Variants in DDX17 observed in about 807,000 individuals in gnomAD.
DDX17 encodes the protein DEAD-box helicase 17, also known as probable ATP-dependent RNA helicase DDX17.
In DDX17, 10 loss-of-function variants were observed where a neutral mutation model predicts 80.8. That is an observed-to-expected ratio of 0.12 (90% CI 0.08 to 0.21). The LOEUF (loss-of-function observed/expected upper bound fraction) is 0.21. DDX17 is among the 10% of genes least tolerant of loss of function. The pLI, the probability that DDX17 is intolerant of heterozygous loss-of-function variation, is 1.00. For missense variants in DDX17, 586 were observed against 957.4 expected (o/e 0.61, Z 5.12); for synonymous variants, 339 against 336.2 (o/e 1.01, Z -0.09).
Position 38,484,573 on chromosome 22 carries a change from G to A in DDX17, c.*1362C>T, listed in dbSNP as rs2089635945. The A allele has an allele frequency of 6.6e-6, 1 of 152,214 alleles. No homozygotes were observed. Among genetic ancestry groups the A allele is most frequent in the African/African-American group, 2.4e-5 (1 of 41,456 alleles). The allele number at this position is 152,214 out of a possible 1,614,324, so 9.4% of individuals were successfully genotyped here. A position where few individuals can be genotyped will look rare whatever the true frequency, so the allele number is the denominator to read the frequency against. On this transcript the variant is annotated 3_prime_UTR_variant, in exon 13 of 13. Coordinates refer to ENST00000403230, the MANE Select transcript of DDX17 (RefSeq NM_006386.5). ...AATTAATAGTCCCATATCAGATCTGGAAGGGGTTTCTGGGGCTGTCTGATG... is the reference window on the plus strand; with the variant it reads ...AATTAATAGTCCCATATCAGATCTGAAAGGGGTTTCTGGGGCTGTCTGATG...
chr22:38,502,374 A>G (rs2089839343), intron 1 of DDX17, among the ~76,000 whole-genome samples: 1 of 151,052 alleles, frequency 6.6e-6, no homozygotes, highest in Non-Finnish European at 1.5e-5. Flanking sequence ...AAATGGCACC[A>G]TAGCACTCCA....
rs1602680993 is a variant in DDX17, at chr22:38,498,157, A to G, written c.673-7T>C. 6.2e-7 allele frequency: 1 copy of G among 1,613,728 alleles called. No individual in the cohort carries two copies. Among genetic ancestry groups the G allele is most frequent in the Non-Finnish European group, 8.5e-7 (1 of 1,179,806 alleles). ...CAATTGCAGGCAGGAGATACTGTGG[A>G]GGGGGGAAAGAATGACAACCTTACG... On this transcript the variant is annotated splice_region_variant and splice_polypyrimidine_tract_variant and intron_variant, in intron 4 of 12. Transcript: ENST00000403230.
At position 38,485,443 on chromosome 22, in the gene DDX17, A is replaced by AG. The variant is rs916506019; in HGVS notation, c.*491dup. 1 of 152,230 alleles carries AG rather than the reference A, an allele frequency of 6.6e-6. No homozygotes were observed. Among genetic ancestry groups the AG allele is most frequent in the African/African-American group, 2.4e-5 (1 of 41,436 alleles). The allele number at this position is 152,230 out of a possible 1,614,324, so 9.4% of individuals were successfully genotyped here. A position where few individuals can be genotyped will look rare whatever the true frequency, so the allele number is the denominator to read the frequency against. On this transcript the variant is annotated 3_prime_UTR_variant, in exon 13 of 13. Coordinates refer to ENST00000403230, the MANE Select transcript of DDX17 (RefSeq NM_006386.5). ...TTTAAAAGCACAAAAGAAAATGTGC[A>AG]GGGCAATCCCTCTTTGTTTTCTAAC...
At position 38,485,494 on chromosome 22, in the gene DDX17, G is replaced by GGT. The variant is rs1441841152; in HGVS notation, c.*440_*441insAC. 6.6e-6 allele frequency: 1 copy of GGT among 152,026 alleles called. No individual in the cohort carries two copies. The highest frequency in any genetic ancestry group is 1.5e-5 in the Non-Finnish European group (1 of 68,126). The allele number at this position is 152,026 out of a possible 1,614,324, so 9.4% of individuals were successfully genotyped here. On this transcript the variant is annotated 3_prime_UTR_variant, in exon 13 of 13. Transcript: ENST00000403230. ...CCAGTAATGAGAAATTTAAAGCACA[G>GGT]ATGCCATCTTCCTCTGCAAAACAAT...
Position 38,494,610 on chromosome 22 carries a change from G to T in DDX17, c.1214+20C>A. 6.2e-7 allele frequency: 1 copy of T among 1,611,152 alleles called. No homozygotes were observed. The highest frequency in any genetic ancestry group is 1.1e-5 in the South Asian group (1 of 90,892). The stretch of plus-strand genomic sequence containing the variant: ...AAGGTTTATCAGCATTATCAAATCA[G>T]AGTAAAATATCTTTCATACTTGTGG... On this transcript the variant is annotated intron_variant, in intron 8 of 12. Transcript: ENST00000403230.
chr22:38,493,136 C>G (rs1308598051), intron 10 of DDX17, among the ~76,000 whole-genome samples: 1 of 152,128 alleles, frequency 6.6e-6, no homozygotes, highest in Non-Finnish European at 1.5e-5. Flanking sequence ...GCCTTTGGGC[C>G]AAATCTGGCA....
At chr22:38,494,222 T>A in intron 8 of DDX17, 91 bp from the exon 9 acceptor site, 1 of 887,474 alleles carries the variant, frequency 1.1e-6, no homozygotes, top group Non-Finnish European at 1.8e-6. Context: ...GCTACAGTAC[T>A]TTCTTTGCAC....
rs767955723 is a variant in DDX17 at position 38,485,274 on chromosome 22, A to G, written c.*661T>C. On this transcript the variant is annotated 3_prime_UTR_variant, in exon 13 of 13. Transcript: ENST00000403230. ...ATTCAATTTCTAGCCTGACACTAAA[A>G]TGGTTATTTTTCAGTAACGGGGGGA... is the stretch of plus-strand genomic sequence containing the variant. 6.6e-6 allele frequency: 1 copy of G among 152,206 alleles called. No individual in the cohort carries two copies. The highest frequency in any genetic ancestry group is 1.5e-5 in the Non-Finnish European group (1 of 68,050). The allele number at this position is 152,206 out of a possible 1,614,324, so 9.4% of individuals were successfully genotyped here. A position where few individuals can be genotyped will look rare whatever the true frequency, so the allele number is the denominator to read the frequency against.
At chr22:38,498,687 A>G (rs940220356) in intron 3 of DDX17, 114 bp from the exon 4 acceptor site, 2 of 1,183,456 alleles carry the variant, frequency 1.7e-6, no homozygotes, top group African/African-American at 1.5e-5. Context: ...TCATCTCTCC[A>G]AAGTGCTTTT....
chr22:38,501,045 G>A (rs1045316618), intron 2 of DDX17, 85 bp downstream of exon 2: 20 of 1,456,382 alleles, frequency 1.4e-5, no homozygotes, highest in African/African-American at 3.0e-5. Flanking sequence ...AATGTAAAAC[G>A]GCAACAGTAG....
intron 1 of DDX17, among the ~76,000 whole-genome samples, chr22:38,503,149 G>C (rs1353081751): frequency 5.3e-5 from 8 of 152,068 alleles, no homozygotes; most frequent in Non-Finnish European, 2.9e-5. Context: ...CCGTGTCAGC[G>C]ACATATTTAA....
chr22:38,504,199 CTTAA>C (rs1341616371), intron 1 of DDX17, among the ~76,000 whole-genome samples: 1 of 152,284 alleles, frequency 6.6e-6, no homozygotes, highest in East Asian at 1.9e-4. Context: ...TGCACATATC[CTTAA>C]TTAAATGTGT....
At chr22:38,503,452 TGG>T (rs2089850421) in intron 1 of DDX17, among the ~76,000 whole-genome samples, 1 of 152,222 alleles carries the variant, frequency 6.6e-6, no homozygotes, top group Non-Finnish European at 1.5e-5. Context: ...CTTACTTCCC[TGG>T]CTATTTATTC....
At position 38,488,060 on chromosome 22, in the gene DDX17, A is replaced by G. The variant is rs1016253881; in HGVS notation, c.1503T>C (p.Asp501=). 1 of 1,614,034 alleles carries G rather than the reference A, an allele frequency of 6.2e-7. No homozygotes were observed. The highest frequency in any genetic ancestry group is 1.3e-5 in the African/African-American group (1 of 74,924). Residue 501 remains aspartate, a synonymous_variant, in exon 12 of 13, where the codon GAT becomes GAC. Coordinates refer to ENST00000403230, the MANE Select transcript of DDX17 (RefSeq NM_006386.5). ...CTGTTCGGCCAATACGGTGCACATA[A>G]TCCTCTGAGCTGTTTGGATAGTCAT... is the stretch of plus-strand genomic sequence containing the variant.
At chr22:38,504,114 T>C (rs938885781) in intron 1 of DDX17, among the ~76,000 whole-genome samples, 1 of 152,222 alleles carries the variant, frequency 6.6e-6, no homozygotes, top group African/African-American at 2.4e-5. Context: ...TCTATGTGCC[T>C]ATTTCAAGCT....
At chr22:38,503,614 T>C (rs2089852008) in intron 1 of DDX17, among the ~76,000 whole-genome samples, 1 of 152,238 alleles carries the variant, frequency 6.6e-6, no homozygotes, top group Non-Finnish European at 1.5e-5. Flanking sequence ...CATGCCATCT[T>C]TAAATACGCA....
At chr22:38,504,698 T>G (rs1272896303) in intron 1 of DDX17, among the ~76,000 whole-genome samples, 1 of 152,216 alleles carries the variant, frequency 6.6e-6, no homozygotes, top group Admixed American at 6.6e-5. Flanking sequence ...GTTGTGGATC[T>G]GAACCACAAA....
chr22:38,486,510 A>C, intron 12 of DDX17, 70 bp from the exon 13 acceptor site: 1 of 1,466,156 alleles, frequency 6.8e-7, no homozygotes, highest in African/African-American at 1.4e-5. Flanking sequence ...TAAAAATTCT[A>C]CTGGGTACAA....
rs1232891727 is a variant in DDX17 at position 38,485,131 on chromosome 22, C to T, written c.*804G>A. The T allele has an allele frequency of 6.6e-6, 1 of 152,108 alleles. No homozygotes were observed. The highest frequency in any genetic ancestry group is 1.5e-5 in the Non-Finnish European group (1 of 68,022). 9.4% of individuals were successfully genotyped at this position (152,108 alleles called of 1,614,324 possible). On this transcript the variant is annotated 3_prime_UTR_variant, in exon 13 of 13. Transcript: ENST00000403230. ...ATGGAAAATTAATTTCACAGATGGT[C>T]CCCAGTTAAACTGGGAAGAAATATA...
Sources: gnomAD v4.1 joint callset for allele counts (sites outside exome capture counted in the v4.1 genomes callset) on GRCh38, gnomAD v4.1.1 for gene constraint, MANE v1.5 for transcripts, NCBI Gene and HGNC (gene_info 2026-07-23, HGNC 2026-07-21) for gene names.